PCDH9: variants seen among roughly 807,000 people sequenced by gnomAD.
The protein encoded by PCDH9 is protocadherin-9.
In PCDH9, 24 loss-of-function variants were observed where a neutral mutation model predicts 70.6. The observed-to-expected ratio is 0.34, with a 90% CI of 0.25 to 0.48. The LOEUF is 0.48. Ranked by LOEUF, PCDH9 falls within the 20% of genes least tolerant of loss-of-function variation. The pLI, the probability that PCDH9 is intolerant of heterozygous loss-of-function variation, is 0.99. For missense variants in PCDH9, 1,281 were observed against 1,503.6 expected (o/e 0.85, Z 2.45); for synonymous variants, 562 against 558.5 (o/e 1.01, Z -0.09).
chr13:66,706,148 G>T (rs1033000659), intron 3 of PCDH9, among the ~76,000 whole-genome samples: 1 of 152,166 alleles, frequency 6.6e-6, no homozygotes, highest in Non-Finnish European at 1.5e-5. Context: ...CCCTTACAAA[G>T]AAATAATTTA....
At chr13:66,903,114 G>A (rs1247399672) in intron 3 of PCDH9, among the ~76,000 whole-genome samples, 1 of 151,678 alleles carries the variant, frequency 6.6e-6, no homozygotes, top group Non-Finnish European at 1.5e-5. Context: ...CCTCAGTATG[G>A]GAGATGAATC....
At chr13:66,923,707 G>A (rs945415992) in intron 2 of PCDH9, among the ~76,000 whole-genome samples, 5 of 151,702 alleles carry the variant, frequency 3.3e-5, no homozygotes, top group Non-Finnish European at 5.9e-5. Context: ...AAGCCAATTG[G>A]TTAAAAAGCC....
chr13:67,154,508 T>C (rs940166884), intron 2 of PCDH9, among the ~76,000 whole-genome samples: 3 of 142,766 alleles, frequency 2.1e-5, no homozygotes, highest in Non-Finnish European at 3.0e-5. Context: ...GCCTGGGAGA[T>C]GAGGCTACAG....
intron 4 of PCDH9, among the ~76,000 whole-genome samples, chr13:66,312,855 T>G (rs1190773516): frequency 6.6e-6 from 1 of 152,190 alleles, no homozygotes; most frequent in Non-Finnish European, 1.5e-5. Flanking sequence ...TTTTACACAT[T>G]TCTCATACAG....
At chr13:66,811,920 T>G (rs1189129120) in intron 3 of PCDH9, among the ~76,000 whole-genome samples, 1 of 152,022 alleles carries the variant, frequency 6.6e-6, no homozygotes, top group Non-Finnish European at 1.5e-5. Flanking sequence ...TATTTTAAAA[T>G]TTTTATTTAT....
intron 2 of PCDH9, among the ~76,000 whole-genome samples, chr13:67,151,704 CT>C (rs1451469450): frequency 6.9e-6 from 1 of 145,332 alleles, no homozygotes; most frequent in Non-Finnish European, 1.5e-5. Flanking sequence ...AAAAATTCAT[CT>C]TTTCAATCTA....
In PCDH9 at chr13:67,227,755, G is replaced by A. The variant is rs749398485; in HGVS notation, c.686C>T (p.Thr229Ile). The A allele has an allele frequency of 1.9e-6, 3 of 1,613,502 alleles. No individual in the cohort carries two copies. The highest frequency in any genetic ancestry group is 2.5e-6 in the Non-Finnish European group (3 of 1,179,420). ...TATGGCCGTACTGGATTTCTGTGGA[G>A]TGCCTCCATCCTCTACTTTGATTTT... ...VMKIKVEDGG[T>I]PQKSSTAILQ... is the part of the protein sequence containing the mutation. The change falls in exon 2 of 5, where the codon ACT (threonine) becomes ATT (isoleucine). Residue 229 changes from threonine to isoleucine, a missense_variant. Coordinates refer to ENST00000377865, the MANE Select transcript of PCDH9 (RefSeq NM_203487.3). This position sits in a 1 kb window ranked among gnomAD's most constrained non-coding sequence, Gnocchi z 4.6.
rs547430354 is a variant in PCDH9 at position 67,022,845 on chromosome 13, T to C, written c.3037-119240A>G. ...AACGTTCAGACATCAAAGGCTCCTC[T>C]CCTATGCTGAGGCTTCAGGAATGGG... On this transcript the variant is annotated intron_variant, in intron 2 of 4. Transcript: ENST00000377865. Among the ~76,000 whole-genome samples, 3 of 152,310 alleles carry C rather than the reference T, an allele frequency of 2.0e-5. No individual in the cohort carries two copies. The South Asian group carries it at 6.2e-4, about 32-fold the overall frequency.
chr13:66,379,771 C>A (rs1389897321), intron 4 of PCDH9, among the ~76,000 whole-genome samples: 1 of 152,060 alleles, frequency 6.6e-6, no homozygotes, highest in African/African-American at 2.4e-5. Flanking sequence ...AATACTGTGT[C>A]TGAATTATAT....
intron 3 of PCDH9, among the ~76,000 whole-genome samples, chr13:66,736,833 T>A (rs2079156744): frequency 6.6e-6 from 1 of 152,240 alleles, no homozygotes; most frequent in Non-Finnish European, 1.5e-5. Flanking sequence ...CAATCTGTCA[T>A]GCAGAAACTA....
At chr13:67,073,353 T>C (rs2085805966) in intron 2 of PCDH9, among the ~76,000 whole-genome samples, 1 of 152,136 alleles carries the variant, frequency 6.6e-6, no homozygotes, top group African/African-American at 2.4e-5. Flanking sequence ...TGAAACTTTA[T>C]ATATCAAGAA....
intron 4 of PCDH9, among the ~76,000 whole-genome samples, chr13:66,452,862 C>T (rs960461207): frequency 5.9e-5 from 9 of 151,944 alleles, no homozygotes; most frequent in African/African-American, 2.2e-4. Context: ...GATTATTATC[C>T]CTTTTCATAA....
In PCDH9 at chr13:66,613,237, C is replaced by T. The variant is rs1387478898; in HGVS notation, c.3340+17973G>A. Reference sequence around the variant, plus strand: ...TGGAACCAGCCATTCGCCACTGCTGCAGACTTCCCCGTCCCTGGCTAAGGG... The same window carrying T: ...TGGAACCAGCCATTCGCCACTGCTGTAGACTTCCCCGTCCCTGGCTAAGGG... On this transcript the variant is annotated intron_variant, in intron 4 of 4. Transcript: ENST00000377865. Among the ~76,000 whole-genome samples, 5 of 152,294 alleles carry T rather than the reference C, an allele frequency of 3.3e-5. No individual in the cohort carries two copies. The South Asian group carries it at 1.0e-3, about 32-fold the overall frequency.
At chr13:66,968,144 A>AT (rs1407820170) in intron 2 of PCDH9, among the ~76,000 whole-genome samples, 2 of 152,028 alleles carry the variant, frequency 1.3e-5, no homozygotes, top group African/African-American at 2.4e-5. Context: ...AAAGAAGTTT[A>AT]TTTTTTTCCA....
chr13:66,426,771 T>C (rs914175366), intron 4 of PCDH9, among the ~76,000 whole-genome samples: 1 of 151,648 alleles, frequency 6.6e-6, no homozygotes, highest in Non-Finnish European at 1.5e-5. Flanking sequence ...TCCTTTACTA[T>C]TAATAACTCC....
chr13:67,193,213 A>G (rs1320405134), intron 2 of PCDH9, among the ~76,000 whole-genome samples: 1 of 152,114 alleles, frequency 6.6e-6, no homozygotes, highest in Non-Finnish European at 1.5e-5. Context: ...AAGATGTCTG[A>G]AAAATTAAGT....
intron 4 of PCDH9, among the ~76,000 whole-genome samples, chr13:66,355,754 A>T (rs980541733): frequency 2.6e-5 from 4 of 152,180 alleles, no homozygotes; most frequent in African/African-American, 7.2e-5. Flanking sequence ...ACAGGCTCAC[A>T]GGGGCCTAAC....
intron 3 of PCDH9, among the ~76,000 whole-genome samples, chr13:66,874,506 A>C (rs2081760736): frequency 1.3e-5 from 2 of 152,276 alleles, no homozygotes; most frequent in South Asian, 4.1e-4. Context: ...GTCAGTCATT[A>C]ATTAAAATAA....
intron 3 of PCDH9, among the ~76,000 whole-genome samples, chr13:66,647,184 G>A (rs1264458432): frequency 6.6e-6 from 1 of 152,190 alleles, no homozygotes; most frequent in Non-Finnish European, 1.5e-5. Flanking sequence ...TGGACTTGGG[G>A]AGTAGGTGAC....
Sources: gnomAD v4.1 joint callset for allele counts (sites outside exome capture counted in the v4.1 genomes callset) on GRCh38, gnomAD v4.1.1 for gene constraint, Gnocchi (gnomAD v3.1) non-coding constraint, MANE v1.5 for transcripts, NCBI Gene and HGNC (gene_info 2026-07-23, HGNC 2026-07-21) for gene names.